Variants in CDKAL1 observed in about 807,000 individuals in gnomAD.
CDKAL1 encodes the protein threonylcarbamoyladenosine tRNA methylthiotransferase.
Under a neutral mutation model 68.2 loss-of-function variants are expected in CDKAL1, and 32 were observed. That is an observed-to-expected ratio of 0.47 (90% CI 0.35 to 0.63). The LOEUF is 0.63. Ranked by LOEUF, CDKAL1 falls within the 30% of genes least tolerant of loss-of-function variation. CDKAL1 has a pLI of 0.00. For missense variants in CDKAL1, 606 were observed against 696.7 expected (o/e 0.87, Z 1.47); for synonymous variants, 234 against 244.3 (o/e 0.96, Z 0.39).
chr6:20,785,821 C>G (rs2150382625), intron 8 of CDKAL1, among the ~76,000 whole-genome samples: 1 of 152,144 alleles, frequency 6.6e-6, no homozygotes, highest in South Asian at 2.1e-4. Flanking sequence ...GAAAAGGGTC[C>G]CATTTGTAGC....
intron 2 of CDKAL1, among the ~76,000 whole-genome samples, chr6:20,536,235 A>G (rs1323788270): frequency 6.6e-6 from 1 of 150,764 alleles, no homozygotes; most frequent in African/African-American, 2.4e-5. Flanking sequence ...CACCTGGCCC[A>G]TTTCTGTATC....
chr6:20,638,154 C>T (rs1486143579), intron 4 of CDKAL1, among the ~76,000 whole-genome samples: 2 of 152,106 alleles, frequency 1.3e-5, no homozygotes, highest in African/African-American at 2.4e-5. Context: ...TCTATGCCCA[C>T]CAGCAAAGCA....
intron 8 of CDKAL1, among the ~76,000 whole-genome samples, chr6:20,821,444 T>C (rs908235218): frequency 2.0e-5 from 3 of 152,166 alleles, no homozygotes; most frequent in African/African-American, 7.2e-5. Context: ...ACCACTCCCT[T>C]CCTTCCCTGG....
chr6:21,025,257 G>A (rs1768891654), intron 11 of CDKAL1, among the ~76,000 whole-genome samples: 1 of 152,058 alleles, frequency 6.6e-6, no homozygotes, highest in Admixed American at 6.6e-5. Context: ...ATAAAAATGG[G>A]CTAAGATAAT....
chr6:20,847,932 G>A (rs1021915414), intron 9 of CDKAL1, among the ~76,000 whole-genome samples: 1 of 152,120 alleles, frequency 6.6e-6, no homozygotes, highest in African/African-American at 2.4e-5. Flanking sequence ...TCAAGGGCCC[G>A]GATACAGAAT....
At chr6:20,653,597 G>C (rs573167345) in intron 5 of CDKAL1, among the ~76,000 whole-genome samples, 1 of 151,414 alleles carries the variant, frequency 6.6e-6, no homozygotes, top group Middle Eastern at 3.2e-3. Context: ...GATCACAGGC[G>C]GGCGCCACCA....
chr6:21,205,541 T>G (rs1778872400), intron 15 of CDKAL1, among the ~76,000 whole-genome samples: 1 of 79,714 alleles, frequency 1.3e-5, no homozygotes, highest in South Asian at 3.2e-4. Context: ...TTTTGTTTTG[T>G]TTTTTTTGAG....
At chr6:20,951,428 C>A (rs1764518749) in intron 9 of CDKAL1, among the ~76,000 whole-genome samples, 1 of 152,136 alleles carries the variant, frequency 6.6e-6, no homozygotes, top group Non-Finnish European at 1.5e-5. Context: ...CTTTTATTAT[C>A]AAACTTTTAG....
At chr6:21,126,352 C>G (rs975120583) in intron 13 of CDKAL1, among the ~76,000 whole-genome samples, 1 of 152,284 alleles carries the variant, frequency 6.6e-6, no homozygotes, top group East Asian at 1.9e-4. Context: ...TTAGAATCAG[C>G]TGGGGTGCTT....
intron 12 of CDKAL1, among the ~76,000 whole-genome samples, chr6:21,066,397 C>T (rs1343929075): frequency 6.6e-6 from 1 of 152,090 alleles, no homozygotes; most frequent in African/African-American, 2.4e-5. Context: ...TCGTTAACTT[C>T]CCACAAACAT....
At chr6:20,706,768 T>C (rs1017588644) in intron 5 of CDKAL1, among the ~76,000 whole-genome samples, 1 of 152,212 alleles carries the variant, frequency 6.6e-6, no homozygotes. Context: ...TGAGTAATTG[T>C]ATTACTTGTA....
At chr6:21,203,189 A>G (rs1353222565) in intron 15 of CDKAL1, among the ~76,000 whole-genome samples, 2 of 131,654 alleles carry the variant, frequency 1.5e-5, no homozygotes, top group South Asian at 2.5e-4. Context: ...AGCTGGGACT[A>G]TAGGCATGCA....
chr6:20,671,114 G>A (rs772428966), intron 5 of CDKAL1, among the ~76,000 whole-genome samples: 4 of 152,290 alleles, frequency 2.6e-5, no homozygotes, highest in Non-Finnish European at 5.9e-5. Context: ...CAAAAGGGTT[G>A]TAACACTTTA....
At chr6:20,851,474 CTG>C (rs912409004) in intron 9 of CDKAL1, among the ~76,000 whole-genome samples, 1 of 152,138 alleles carries the variant, frequency 6.6e-6, no homozygotes, top group Non-Finnish European at 1.5e-5. Flanking sequence ...TTTCACCGCA[CTG>C]TCTCTGGAAT....
At chr6:20,610,814 C>T (rs573743284) in intron 4 of CDKAL1, among the ~76,000 whole-genome samples, 2 of 152,124 alleles carry the variant, frequency 1.3e-5, no homozygotes, top group South Asian at 4.1e-4. Context: ...TCTCTGTGCT[C>T]TTGCACAACT....
Position 20,777,510 on chromosome 6 carries a change from G to A in CDKAL1, c.518-3635G>A, listed in dbSNP as rs568919097. Among the ~76,000 whole-genome samples the A allele has an allele frequency of 9.6e-4, 146 of 152,266 alleles. 1 individual carries two copies. The highest frequency in any genetic ancestry group is 3.3e-3 in the African/African-American group (137 of 41,572). On this transcript the variant is annotated intron_variant, in intron 7 of 15. Coordinates refer to ENST00000274695, the MANE Select transcript of CDKAL1 (RefSeq NM_017774.3). ...CACACCTATAGTCTCAGCTCCTCAG[G>A]AGGCTGAGATGGAAGGATTGCTTGA...
intron 4 of CDKAL1, among the ~76,000 whole-genome samples, chr6:20,583,648 G>A (rs1410073877): frequency 3.3e-5 from 5 of 151,990 alleles, no homozygotes; most frequent in African/African-American, 1.2e-4. Flanking sequence ...ATGGCAGGTG[G>A]CAGAGTTGAA....
intron 8 of CDKAL1, among the ~76,000 whole-genome samples, chr6:20,814,314 A>G (rs746054156): frequency 6.6e-6 from 1 of 152,108 alleles, no homozygotes; most frequent in Non-Finnish European, 1.5e-5. Flanking sequence ...CAGTTGTTTA[A>G]TAGATTTATA....
chr6:20,657,251 G>A (rs1319033560), intron 5 of CDKAL1, among the ~76,000 whole-genome samples: 3 of 152,196 alleles, frequency 2.0e-5, no homozygotes, highest in African/African-American at 2.4e-5. Context: ...TCTTGCATGC[G>A]TTTTGGTTTT....
Sources: gnomAD v4.1 joint callset for allele counts (sites outside exome capture counted in the v4.1 genomes callset) on GRCh38, gnomAD v4.1.1 for gene constraint, MANE v1.5 for transcripts, NCBI Gene and HGNC (gene_info 2026-07-23, HGNC 2026-07-21) for gene names.